TTC27: variants seen among roughly 807,000 people sequenced by gnomAD.
The protein encoded by TTC27 is tetratricopeptide repeat protein 27.
Under a neutral mutation model 115.9 loss-of-function variants are expected in TTC27, and 79 were observed. That is an observed-to-expected ratio of 0.68 (90% CI 0.57 to 0.82). TTC27 has a LOEUF of 0.82. TTC27 is among the 40% of genes least tolerant of loss of function. The probability of loss-of-function intolerance (pLI) is 0.00; values close to 1 mark genes in which losing one functional copy is unlikely to be tolerated. For missense variants in TTC27, 1,054 were observed against 993.1 expected (o/e 1.06, Z -0.82); for synonymous variants, 401 against 356.0 (o/e 1.13, Z -1.42).
intron 16 of TTC27, among the ~76,000 whole-genome samples, chr2:32,807,089 C>A (rs558654763): frequency 1.3e-5 from 2 of 152,182 alleles, no homozygotes; most frequent in East Asian, 1.9e-4. Flanking sequence ...ACCACTACCC[C>A]CAAATACCCT....
At chr2:32,633,741 TG>T in intron 2 of TTC27, 134 bp from the exon 3 acceptor site, 1 of 1,005,708 alleles carries the variant, frequency 9.9e-7, no homozygotes, top group East Asian at 3.0e-5. Context: ...TTTTTTTTTT[TG>T]GTAATACTCT....
rs952735688 is a variant in TTC27, at chr2:32,633,814, GTGTT to G, written c.267-59_267-56del. The G allele has an allele frequency of 1.3e-5, 20 of 1,516,374 alleles. 1 individual carries two copies. In the South Asian group the frequency reaches 2.2e-4, roughly 16 times the overall value. The allele number at this position is 1,516,374 out of a possible 1,614,324, so 93.9% of individuals were successfully genotyped here. A position where few individuals can be genotyped will look rare whatever the true frequency, so the allele number is the denominator to read the frequency against. Reference sequence around the variant, plus strand: ...CTTAATAAAACTGAAATGGAATAGTGTGTTTGAGATTATACAGTGATAGTAGTTC... The same window carrying G: ...CTTAATAAAACTGAAATGGAATAGTGTGAGATTATACAGTGATAGTAGTTC... On this transcript the variant is annotated intron_variant, in intron 2 of 19. Coordinates refer to ENST00000317907, the MANE Select transcript of TTC27 (RefSeq NM_017735.5).
At chr2:32,662,378 G>C (rs1665581147) in intron 5 of TTC27, among the ~76,000 whole-genome samples, 2 of 152,098 alleles carry the variant, frequency 1.3e-5, no homozygotes, top group South Asian at 4.1e-4. Context: ...GTAGAATTCG[G>C]CTGTGAATCT....
intron 8 of TTC27, 119 bp downstream of exon 8, chr2:32,672,503 C>G (rs1196550279): frequency 1.5e-6 from 1 of 674,986 alleles, no homozygotes. Context: ...TTTTGTAGTG[C>G]TTATGAAGAT....
intron 12 of TTC27, among the ~76,000 whole-genome samples, chr2:32,749,952 CA>C (rs1485133622): frequency 6.6e-6 from 1 of 152,072 alleles, no homozygotes; most frequent in East Asian, 1.9e-4. Context: ...TTTATGGAAG[CA>C]GAGCCACTTT....
At chr2:32,719,842 G>A (rs1000577657) in intron 10 of TTC27, among the ~76,000 whole-genome samples, 3 of 152,058 alleles carry the variant, frequency 2.0e-5, no homozygotes, top group African/African-American at 4.8e-5. Flanking sequence ...TATTCTCACA[G>A]GGGGAAAGGA....
intron 17 of TTC27, 90 bp downstream of exon 17, chr2:32,811,311 C>G: frequency 8.1e-7 from 1 of 1,232,476 alleles, no homozygotes; most frequent in Non-Finnish European, 1.1e-6. Flanking sequence ...AAGAGTTTAA[C>G]AATCTGAAAG....
At chr2:32,686,516 C>T (rs760900102) in intron 9 of TTC27, among the ~76,000 whole-genome samples, 9 of 151,954 alleles carry the variant, frequency 5.9e-5, no homozygotes, top group Non-Finnish European at 8.8e-5. Context: ...TGAACCACCA[C>T]GCCTAGCTGA....
chr2:32,775,494 G>A (rs918567706), intron 13 of TTC27, among the ~76,000 whole-genome samples: 16 of 152,096 alleles, frequency 1.1e-4, no homozygotes, highest in African/African-American at 1.9e-4. Context: ...CACTTTGCCC[G>A]GCCACACATG....
chr2:32,683,383 A>G (rs1666510447), intron 9 of TTC27, among the ~76,000 whole-genome samples: 2 of 152,218 alleles, frequency 1.3e-5, no homozygotes, highest in Non-Finnish European at 2.9e-5. Context: ...TATTGAATAA[A>G]TAAATGAATG....
intron 18 of TTC27, among the ~76,000 whole-genome samples, chr2:32,816,032 A>G (rs777778873): frequency 4.6e-5 from 7 of 152,152 alleles, no homozygotes; most frequent in Non-Finnish European, 1.0e-4. Flanking sequence ...AAAGAAATCT[A>G]TTGGGCTGGG....
chr2:32,664,690 C>T (rs372105960), intron 6 of TTC27, among the ~76,000 whole-genome samples: 4 of 152,162 alleles, frequency 2.6e-5, no homozygotes, highest in East Asian at 3.9e-4. Flanking sequence ...TCTGTTTAGC[C>T]GTGTTAGTAA....
intron 18 of TTC27, among the ~76,000 whole-genome samples, chr2:32,814,855 C>G (rs1391735838): frequency 2.6e-5 from 4 of 152,144 alleles, no homozygotes; most frequent in Admixed American, 2.6e-4. Flanking sequence ...CTCACAACAA[C>G]AAAATTGCCT....
chr2:32,711,864 C>T (rs1667592281), intron 10 of TTC27, among the ~76,000 whole-genome samples: 1 of 152,090 alleles, frequency 6.6e-6, no homozygotes, highest in African/African-American at 2.4e-5. Flanking sequence ...TGCTTGAACC[C>T]ATGATGTGGA....
intron 13 of TTC27, among the ~76,000 whole-genome samples, chr2:32,769,820 A>G (rs1426555055): frequency 6.6e-6 from 1 of 152,222 alleles, no homozygotes; most frequent in Non-Finnish European, 1.5e-5. Flanking sequence ...AGGGGGATAC[A>G]GGAGAATTGT....
chr2:32,686,345 T>C (rs545891411), intron 9 of TTC27, among the ~76,000 whole-genome samples: 5 of 152,220 alleles, frequency 3.3e-5, no homozygotes, highest in African/African-American at 4.8e-5. Context: ...CTAAAATCAT[T>C]TGGAGGACTT....
intron 9 of TTC27, among the ~76,000 whole-genome samples, chr2:32,697,795 AG>A (rs1291004539): frequency 6.6e-6 from 1 of 152,042 alleles, no homozygotes; most frequent in Admixed American, 6.6e-5. Context: ...TCTGTCACTC[AG>A]GCTGGAGTGC....
In TTC27 at chr2:32,792,709, G is replaced by A. The variant is rs555999748; in HGVS notation, c.1998+5560G>A. Among the ~76,000 whole-genome samples, 4 of 152,246 alleles carry A rather than the reference G, an allele frequency of 2.6e-5. No individual in the cohort carries two copies. The South Asian group carries it at 8.3e-4, about 32-fold the overall frequency. ...AGCCCTCCTGGTAGTTTTTGTAATGGGTTAAGGCAGTCCTATTCCTTCCTG... is the reference window on the plus strand; with the variant it reads ...AGCCCTCCTGGTAGTTTTTGTAATGAGTTAAGGCAGTCCTATTCCTTCCTG... On this transcript the variant is annotated intron_variant, in intron 16 of 19. Coordinates refer to ENST00000317907, the MANE Select transcript of TTC27 (RefSeq NM_017735.5).
At chr2:32,749,472 G>C (rs2116587) in intron 12 of TTC27, among the ~76,000 whole-genome samples, 52,282 of 152,094 alleles carry the variant, frequency 0.34, 9,822 homozygotes, top group Non-Finnish European at 0.41. Flanking sequence ...ATGCCATGAA[G>C]CTTGCTCTTC....
Sources: allele counts gnomAD v4.1 joint callset (sites outside exome capture counted in the v4.1 genomes callset), GRCh38; gene constraint gnomAD v4.1.1; transcripts MANE v1.5; gene names NCBI Gene and HGNC (gene_info 2026-07-23, HGNC 2026-07-21).